The following GSN variants were observed in gnomAD, a reference collection of about 807,000 sequenced individuals.
GSN encodes the protein gelsolin.
GSN carries 56 observed loss-of-function variants against 85.7 expected under a neutral mutation model. The ratio of observed to expected loss-of-function variants is 0.65; its 90% confidence interval spans 0.53 to 0.82. GSN has a LOEUF of 0.82. Ranked by LOEUF, GSN falls within the 40% of genes least tolerant of loss-of-function variation. The pLI is 0.00. For synonymous variants in GSN, 373 were observed against 399.1 expected (o/e 0.93, Z 0.78); for missense variants, 857 against 979.8 (o/e 0.87, Z 1.67).
intron 1 of GSN, among the ~76,000 whole-genome samples, chr9:121,268,796 C>G (rs561385057): frequency 1.6e-4 from 24 of 152,340 alleles, no homozygotes; most frequent in African/African-American, 5.5e-4. Context: ...CCTTCCCTGA[C>G]TCACACGGAA....
At chr9:121,313,666 G>A in intron 6 of GSN, 1 of 536,740 alleles carries the variant, frequency 1.9e-6, no homozygotes, top group Non-Finnish European at 3.4e-6. Context: ...CAATTAGCCG[G>A]TAGGCGAAAT....
At chr9:121,312,577 G>GCA in intron 6 of GSN, 89 bp downstream of exon 6, 1 of 964,558 alleles carries the variant, frequency 1.0e-6, no homozygotes, top group Non-Finnish European at 1.4e-6. Context: ...GTGAATTTGA[G>GCA]GAAAAAAAAA....
intron 2 of GSN, chr9:121,300,183 G>A: frequency 2.4e-6 from 3 of 1,253,562 alleles, no homozygotes; most frequent in South Asian, 1.2e-5. Context: ...TGGGAGCCTC[G>A]GGGCCCTGGC....
chr9:121,306,122 A>G (rs561742845), intron 4 of GSN, among the ~76,000 whole-genome samples: 177 of 152,218 alleles, frequency 1.2e-3, no homozygotes, highest in African/African-American at 3.9e-3. Context: ...TTTTGGACTG[A>G]ATCCTGGAGA....
intron 5 of GSN, chr9:121,311,371 A>G (rs931328232): frequency 2.3e-5 from 4 of 176,414 alleles, no homozygotes; most frequent in Non-Finnish European, 3.7e-5. Flanking sequence ...CAGACCTGCA[A>G]ATGGACACGG....
At chr9:121,209,191 C>T (rs2053930020) in intron 1 of GSN, 1 of 152,228 alleles carries the variant, frequency 6.6e-6, no homozygotes, top group Non-Finnish European at 1.5e-5. Context: ...GGCAGGCCTC[C>T]TGCTGAAGGG....
At position 121,332,764 on chromosome 9, in the gene GSN, A is replaced by G. The variant is rs2064105362; in HGVS notation, c.*161A>G. ...TACAGTATCCAAAAATAGCCCTGCA[A>G]AAATTCAGAGTCCTTGCAAAATTGT... On this transcript the variant is annotated 3_prime_UTR_variant, in exon 18 of 18. Transcript: ENST00000432226. This position sits in a 1 kb window ranked among gnomAD's most constrained non-coding sequence, Gnocchi z 4.8. 1 of 610,052 alleles carries G rather than the reference A, an allele frequency of 1.6e-6. No individual in the cohort carries two copies. Among genetic ancestry groups the G allele is most frequent in the Admixed American group, 3.0e-5 (1 of 33,422 alleles). 37.8% of individuals were successfully genotyped at this position (610,052 alleles called of 1,614,324 possible).
intron 5 of GSN, among the ~76,000 whole-genome samples, chr9:121,237,704 C>T (rs1365032415): frequency 6.6e-6 from 1 of 152,156 alleles, no homozygotes; most frequent in African/African-American, 2.4e-5. Context: ...ATCTTTTAGA[C>T]CTGATCTTGC....
At chr9:121,204,810 T>G (rs1588387132), upstream of GSN, among the ~76,000 whole-genome samples, 1 of 152,168 alleles carries the variant, frequency 6.6e-6, no homozygotes, top group Admixed American at 6.6e-5. Flanking sequence ...ATGAGGCCCA[T>G]GTATATGTCC....
intron 4 of GSN, among the ~76,000 whole-genome samples, chr9:121,224,754 A>AG (rs1326201485): frequency 2.0e-5 from 3 of 151,224 alleles, no homozygotes; most frequent in Admixed American, 6.6e-5. Flanking sequence ...AAAAAAAAAA[A>AG]AAAGAAAAGA....
At chr9:121,324,977 G>A (rs2062978186) in intron 12 of GSN, among the ~76,000 whole-genome samples, 1 of 152,198 alleles carries the variant, frequency 6.6e-6, no homozygotes, top group Non-Finnish European at 1.5e-5. Context: ...GACCTTGGGA[G>A]AGAGACATGG....
intron 11 of GSN, among the ~76,000 whole-genome samples, chr9:121,322,096 G>T (rs1342141901): frequency 6.6e-6 from 1 of 152,128 alleles, no homozygotes; most frequent in Non-Finnish European, 1.5e-5. Context: ...AATCAAAACA[G>T]AATATAAAGG....
At chr9:121,317,065 C>T (rs368967473) in intron 7 of GSN, 21 bp from the exon 8 acceptor site, 30 of 1,613,936 alleles carry the variant, frequency 1.9e-5, no homozygotes, top group Non-Finnish European at 2.3e-5. Context: ...TGTGCTGGTT[C>T]CTTCTGCTTC....
chr9:121,318,642 G>C lies in GSN; in HGVS notation c.976-23G>C. On this transcript the variant is annotated intron_variant, in intron 9 of 17. Transcript: ENST00000432226. This position sits in a 1 kb window ranked among gnomAD's most constrained non-coding sequence, Gnocchi z 4.3. The stretch of plus-strand genomic sequence containing the variant: ...CTGCTGGGCAGCCCAGCCACATCCT[G>C]CTCCTCTGCCTCCCCTCCCCAGGTC... 1 of 1,583,756 alleles carries C rather than the reference G, an allele frequency of 6.3e-7. No individual in the cohort carries two copies. Among genetic ancestry groups the C allele is most frequent in the Non-Finnish European group, 8.7e-7 (1 of 1,152,502 alleles).
upstream of GSN, among the ~76,000 whole-genome samples, chr9:121,264,757 T>G (rs1360013520): frequency 6.6e-6 from 1 of 152,118 alleles, no homozygotes; most frequent in Non-Finnish European, 1.5e-5. Flanking sequence ...CCCTTTTCTC[T>G]GGGAAGTGCA....
At chr9:121,300,043 TCTCTATTGTAAGTTCTTG>T in intron 2 of GSN, 2 of 1,571,060 alleles carry the variant, frequency 1.3e-6, no homozygotes, top group Non-Finnish European at 1.7e-6. Context: ...CCGGAGTAAC[TCTCTATTGTAAGTTCTTG>T]CAGATACAGC....
intron 4 of GSN, chr9:121,222,884 A>T (rs2054195357): frequency 6.6e-6 from 1 of 150,388 alleles, no homozygotes; most frequent in Non-Finnish European, 1.5e-5. Flanking sequence ...GTGTGGTTTG[A>T]CCTTGGACTT....
chr9:121,217,095 C>T (rs1182123314), intron 4 of GSN, among the ~76,000 whole-genome samples: 1 of 152,170 alleles, frequency 6.6e-6, no homozygotes, highest in African/African-American at 2.4e-5. Context: ...CACATTGGCT[C>T]ACGCCTATAA....
rs1037158484 is a variant in GSN at position 121,324,022 on chromosome 9, G to A, written c.1326-532G>A. Among the ~76,000 whole-genome samples the A allele has an allele frequency of 2.6e-5, 4 of 152,184 alleles. No individual in the cohort carries two copies. The South Asian group carries it at 6.2e-4, about 24-fold the overall frequency. ...TGGTTATGGAAAACTTAGACAATAT[G>A]CAAAGAGGTGGGATAGAAAGGCAAA... On this transcript the variant is annotated intron_variant, in intron 11 of 17. Transcript: ENST00000432226.
Sources: allele counts gnomAD v4.1 joint callset (sites outside exome capture counted in the v4.1 genomes callset), GRCh38; gene constraint gnomAD v4.1.1; non-coding constraint Gnocchi (gnomAD v3.1); transcripts MANE v1.5; gene names NCBI Gene and HGNC (gene_info 2026-07-23, HGNC 2026-07-21).